TNNC2: variants seen among roughly 807,000 people sequenced by gnomAD.
The protein encoded by TNNC2 is troponin C, skeletal muscle.
A neutral mutation model predicts 20.0 loss-of-function variants in TNNC2; 14 were observed. The observed-to-expected ratio is 0.70, with a 90% CI of 0.46 to 1.09. The LOEUF (loss-of-function observed/expected upper bound fraction) is 1.09. Ranked by LOEUF, TNNC2 falls within the 50% of genes least tolerant of loss-of-function variation. The pLI is 0.00. For synonymous variants in TNNC2, 81 were observed against 77.3 expected (o/e 1.05, Z -0.25); for missense variants, 163 against 223.8 (o/e 0.73, Z 1.73).
Position 45,827,237 on chromosome 20 carries a change from T to A in TNNC2, c.3+9A>T. 2.5e-6 allele frequency: 4 copies of A among 1,614,140 alleles called. No individual in the cohort carries two copies. The highest frequency in any genetic ancestry group is 3.4e-6 in the Non-Finnish European group (4 of 1,180,024). ...TGAGTAAAGGCACAAAGTCCCCTCT[T>A]GTCCTTACCATGGTTGCTGGTGACC... On this transcript the variant is annotated intron_variant, in intron 1 of 5. Transcript: ENST00000372555.
chr20:45,831,506 G>A (rs1412479880), upstream of TNNC2, among the ~76,000 whole-genome samples: 1 of 152,166 alleles, frequency 6.6e-6, no homozygotes, highest in Non-Finnish European at 1.5e-5. Flanking sequence ...GGGATTACTT[G>A]AGGCAGGAAA....
upstream of TNNC2, among the ~76,000 whole-genome samples, chr20:45,828,859 A>G (rs1239656078): frequency 6.6e-6 from 1 of 152,194 alleles, no homozygotes; most frequent in East Asian, 1.9e-4. Flanking sequence ...ATATATAGAC[A>G]TTCCCAAGGA....
intron 2 of TNNC2, 66 bp from the exon 3 acceptor site, chr20:45,824,704 C>G (rs1388366069): frequency 1.3e-5 from 21 of 1,578,622 alleles, no homozygotes; most frequent in Admixed American, 6.9e-5. Context: ...CTACCCCCCC[C>G]CAACCCCCAC....
At chr20:45,830,335 C>CAAAAAA, upstream of TNNC2, among the ~76,000 whole-genome samples, 1 of 54,170 alleles carries the variant, frequency 1.8e-5, no homozygotes, top group African/African-American at 6.1e-5. Context: ...GACTGCATCT[C>CAAAAAA]AAAAAAAAAA....
rs780503233 is a variant in TNNC2, at chr20:45,824,010, G to A, written c.432C>T (p.Asp144=). The A allele has an allele frequency of 1.9e-6, 3 of 1,614,114 alleles. No homozygotes were observed. The highest frequency in any genetic ancestry group is 2.7e-5 in the African/African-American group (2 of 75,038). Residue 144 remains aspartate, a synonymous_variant, in exon 5 of 6, where the codon GAC becomes GAT. Transcript: ENST00000372555. ...SLMKDGDKNN[D]GRIDFDEFLK... ...CCTCACCGTCGAAGTCAATGCGGCC[G>A]TCGTTGTTCTTGTCGCCGTCTTTCA...
chr20:45,823,879 T>C lies in TNNC2; in HGVS notation c.451+112A>G. 1 of 1,541,322 alleles carries C rather than the reference T, an allele frequency of 6.5e-7. No homozygotes were observed. The highest frequency in any genetic ancestry group is 8.8e-7 in the Non-Finnish European group (1 of 1,140,996). On this transcript the variant is annotated intron_variant, in intron 5 of 5. Coordinates refer to ENST00000372555, the MANE Select transcript of TNNC2 (RefSeq NM_003279.3). This position sits in a 1 kb window ranked among gnomAD's most constrained non-coding sequence, Gnocchi z 4.6. The stretch of plus-strand genomic sequence containing the variant: ...GGAGACTATGGGGAACTTGGTGAAG[T>C]TACGCCCAGCCCAGCCCACAAGGCC...
In TNNC2 at chr20:45,824,336, C is replaced by G; in HGVS notation, c.270G>C (p.Gly90=). ...ACTCGGCCAGCTCCTCCTCGCTCTT[C>G]CCTTTCGCGTCCTCTTTCATCTGGC... ...MVRQMKEDAK[G]KSEEELAECF... The change falls in exon 4 of 6, where the codon GGG becomes GGC. Residue 90 remains glycine (G), a synonymous_variant. Coordinates refer to ENST00000372555, the MANE Select transcript of TNNC2 (RefSeq NM_003279.3). 1.2e-6 allele frequency: 2 copies of G among 1,611,282 alleles called. No individual in the cohort carries two copies. Among genetic ancestry groups the G allele is most frequent in the South Asian group, 1.1e-5 (1 of 91,082 alleles).
At position 45,824,393 on chromosome 20, in the gene TNNC2, G is replaced by A; in HGVS notation, c.213C>T (p.Ile71=). The A allele has an allele frequency of 6.2e-7, 1 of 1,610,634 alleles. No individual in the cohort carries two copies. Among genetic ancestry groups the A allele is most frequent in the Non-Finnish European group, 8.5e-7 (1 of 1,179,996 alleles). The change falls in exon 4 of 6, where the codon ATC becomes ATT. Residue 71 remains isoleucine (I), a synonymous_variant. Transcript: ENST00000372555. ...EEVDEDGSGT[I]DFEEFLVMMV... is the part of the protein sequence containing the mutation. ...TCATGACCAAGAACTCCTCGAAGTCGATGGTGCCGCTGCCTGCGGGCAGCA... is the reference window on the plus strand; with the variant it reads ...TCATGACCAAGAACTCCTCGAAGTCAATGGTGCCGCTGCCTGCGGGCAGCA...
Position 45,824,514 on chromosome 20 carries a change from G to A in TNNC2, c.180C>T (p.Ile60=), listed in dbSNP as rs944382816. Residue 60 remains isoleucine, a synonymous_variant, in exon 3 of 6, where the codon ATC becomes ATT. Transcript: ENST00000372555. Reference sequence around the variant, plus strand: ...GCTCACCGTCCTCATCCACCTCCTCGATGATGGCGTCCAGCTCCTCCTTGG... The same window carrying A: ...GCTCACCGTCCTCATCCACCTCCTCAATGATGGCGTCCAGCTCCTCCTTGG... ...TPTKEELDAI[I]EEVDEDGSGT... is the part of the protein sequence containing the mutation. 27 of 1,613,532 alleles carry A rather than the reference G, an allele frequency of 1.7e-5. No homozygotes were observed. The Admixed American group carries it at 2.8e-4, about 17-fold the overall frequency.
rs1478647972 is a variant in TNNC2 at position 45,824,481 on chromosome 20, G to A, written c.199+14C>T. On this transcript the variant is annotated intron_variant, in intron 3 of 5. Transcript: ENST00000372555. ...CTCCCCACCATCCCCTGCCTCCGAG[G>A]GACACCCGCTCACCGTCCTCATCCA... is the stretch of plus-strand genomic sequence containing the variant. 1.2e-6 allele frequency: 2 copies of A among 1,613,124 alleles called. No individual in the cohort carries two copies. The highest frequency in any genetic ancestry group is 1.1e-5 in the South Asian group (1 of 91,064).
At chr20:45,825,287 G>A (rs1982938101) in intron 1 of TNNC2, among the ~76,000 whole-genome samples, 1 of 151,294 alleles carries the variant, frequency 6.6e-6, no homozygotes, top group South Asian at 2.1e-4. Flanking sequence ...TCTGACCCCA[G>A]TTTTTGTTTT....
chr20:45,829,591 A>G (rs568829049), upstream of TNNC2, among the ~76,000 whole-genome samples: 23 of 151,774 alleles, frequency 1.5e-4, no homozygotes, highest in Admixed American at 4.6e-4. Flanking sequence ...CATCCTGGCT[A>G]ACACAGTGAA....
chr20:45,826,731 G>C (rs1364237158), intron 1 of TNNC2, among the ~76,000 whole-genome samples: 1 of 152,218 alleles, frequency 6.6e-6, no homozygotes, highest in African/African-American at 2.4e-5. Context: ...CTCTCTAGGA[G>C]AGCGGAGTCT....
chr20:45,832,992 A>C (rs1983163167), intron 2 of TNNC2, among the ~76,000 whole-genome samples: 1 of 152,164 alleles, frequency 6.6e-6, no homozygotes, highest in Non-Finnish European at 1.5e-5. Context: ...AAATACAAAA[A>C]TTAGCTGGGT....
chr20:45,832,507 T>C (rs1983141955), intron 2 of TNNC2, among the ~76,000 whole-genome samples: 1 of 152,200 alleles, frequency 6.6e-6, no homozygotes, highest in East Asian at 1.9e-4. Context: ...GTAAAGTGCC[T>C]AGAGCAGGAT....
chr20:45,824,479 AG>A lies in TNNC2; in HGVS notation c.199+15del, dbSNP rs756527830. 1 of 1,613,104 alleles carries A rather than the reference AG, an allele frequency of 6.2e-7. No individual in the cohort carries two copies. Among genetic ancestry groups the A allele is most frequent in the African/African-American group, 1.3e-5 (1 of 74,990 alleles). ...CTCTCCCCACCATCCCCTGCCTCCG[AG>A]GGACACCCGCTCACCGTCCTCATCC... On this transcript the variant is annotated intron_variant, in intron 3 of 5. Transcript: ENST00000372555.
In TNNC2 at chr20:45,824,028, G is replaced by A. The variant is rs1033355133; in HGVS notation, c.414C>T (p.Asp138=). The A allele has an allele frequency of 6.2e-7, 1 of 1,613,950 alleles. No individual in the cohort carries two copies. The part of the protein sequence containing the change: ...TDEEIESLMK[D]GDKNNDGRID... ...TGCGGCCGTCGTTGTTCTTGTCGCC[G>A]TCTTTCATCAGAGATTCGATCTCCT... The change falls in exon 5 of 6, where the codon GAC becomes GAT. Residue 138 remains aspartate, a synonymous_variant. Coordinates refer to ENST00000372555, the MANE Select transcript of TNNC2 (RefSeq NM_003279.3).
intron 1 of TNNC2, among the ~76,000 whole-genome samples, chr20:45,826,005 A>ACCCCCCCCCCCCC (rs111300154): frequency 4.2e-5 from 6 of 144,002 alleles, no homozygotes; most frequent in African/African-American, 1.6e-4. Flanking sequence ...CAAGTCGGGA[A>ACCCCCCCCCCCCC]CCCCCCCCAC....
In TNNC2 at chr20:45,823,441, G is replaced by C. The variant is rs181285416; in HGVS notation, c.452-62C>G. The C allele has an allele frequency of 6.4e-4, 962 of 1,507,160 alleles. 7 individuals carry two copies. The African/African-American group carries it at 0.011, about 18-fold the overall frequency. 93.4% of individuals were successfully genotyped at this position (1,507,160 alleles called of 1,614,324 possible). ...CTGGGGACGCAGAGGCCAGGCCAGG[G>C]CTCCAGCCACACAGAGGGGATGACT... On this transcript the variant is annotated intron_variant, in intron 5 of 5. Coordinates refer to ENST00000372555, the MANE Select transcript of TNNC2 (RefSeq NM_003279.3). This position sits in a 1 kb window ranked among gnomAD's most constrained non-coding sequence, Gnocchi z 4.6.
Sources: allele counts gnomAD v4.1 joint callset (sites outside exome capture counted in the v4.1 genomes callset), GRCh38; gene constraint gnomAD v4.1.1; non-coding constraint Gnocchi (gnomAD v3.1); transcripts MANE v1.5; gene names NCBI Gene and HGNC (gene_info 2026-07-23, HGNC 2026-07-21).